Variants in PTK2B observed in about 807,000 individuals in gnomAD.
The protein encoded by PTK2B is protein-tyrosine kinase 2-beta.
Under a neutral mutation model 142.9 loss-of-function variants are expected in PTK2B, and 71 were observed. That is an observed-to-expected ratio of 0.50 (90% CI 0.41 to 0.61). The LOEUF is 0.61. Among genes scored for constraint, PTK2B ranks in the 20% least tolerant of loss-of-function variants. The pLI is 0.00. For missense variants in PTK2B, 1,105 were observed against 1,320.4 expected (o/e 0.84, Z 2.53); for synonymous variants, 519 against 503.4 (o/e 1.03, Z -0.42).
rs113405663 is a variant in PTK2B at position 27,354,548 on chromosome 8, G to A, written c.-38+28867G>A. The stretch of plus-strand genomic sequence containing the variant: ...TGCAAGCAGTTTTTGATTTGCGGCC[G>A]GCAGGTATGTTGACTGTTGGGAGGA... On this transcript the variant is annotated intron_variant, in intron 1 of 30. Transcript: ENST00000346049. 7.2e-3 allele frequency among the ~76,000 whole-genome samples: 1,094 copies of A among 152,282 alleles called. 12 individuals carry two copies. The highest frequency in any genetic ancestry group is 0.024 in the African/African-American group (984 of 41,544).
intron 27 of PTK2B, 121 bp from the exon 28 acceptor site, chr8:27,452,993 G>A: frequency 8.1e-7 from 1 of 1,227,280 alleles, no homozygotes; most frequent in African/African-American, 1.5e-5. Context: ...TGGATTCAGA[G>A]TTAATTTCCC....
At chr8:27,454,132 G>T in intron 28 of PTK2B, 22 bp from the exon 29 acceptor site, 1 of 1,613,742 alleles carries the variant, frequency 6.2e-7, no homozygotes. Flanking sequence ...CAACTCACTG[G>T]CCACCTGCGT....
intron 1 of PTK2B, among the ~76,000 whole-genome samples, chr8:27,387,550 A>G (rs914496578): frequency 6.6e-6 from 1 of 152,192 alleles, no homozygotes; most frequent in Non-Finnish European, 1.5e-5. Flanking sequence ...ACCATGTGAT[A>G]GGGCCTTGTT....
At position 27,398,887 on chromosome 8, in the gene PTK2B, T is replaced by C. The variant is rs1586236932; in HGVS notation, c.204+1099T>C. 3.3e-5 allele frequency among the ~76,000 whole-genome samples: 5 copies of C among 152,388 alleles called. No individual in the cohort carries two copies. In the South Asian group the frequency reaches 1.0e-3, roughly 32 times the overall value. ...TGCTTCCACACACCAGAGCAGAGTGTAATTGATTATGTCACTGTCATGGCC... is the reference window on the plus strand; with the variant it reads ...TGCTTCCACACACCAGAGCAGAGTGCAATTGATTATGTCACTGTCATGGCC... On this transcript the variant is annotated intron_variant, in intron 2 of 30. Coordinates refer to ENST00000346049, the MANE Select transcript of PTK2B (RefSeq NM_173176.3).
chr8:27,420,593 T>A (rs1040713694), intron 3 of PTK2B, 64 bp from the exon 4 acceptor site: 22 of 1,490,446 alleles, frequency 1.5e-5, no homozygotes, highest in Non-Finnish European at 1.9e-5. Context: ...GCCCTTGGGG[T>A]CCTACTCCTT....
rs182459165 is a variant in PTK2B at position 27,313,893 on chromosome 8, A to C, written c.-414+606A>C. On this transcript the variant is annotated intron_variant, in intron 3 of 35. Coordinates refer to the PTK2B transcript ENST00000397501. ...AACACTTTAGTGACAGCTGTGGACC[A>C]TCAGGGAATTGTCTCTCTCCCTCTC... Among the ~76,000 whole-genome samples the C allele has an allele frequency of 3.5e-3, 529 of 152,336 alleles. 8 individuals are homozygous for C. The highest frequency in any genetic ancestry group is 4.5e-3 in the Non-Finnish European group (306 of 68,036).
intron 20 of PTK2B, among the ~76,000 whole-genome samples, chr8:27,439,689 A>G (rs1801790591): frequency 6.6e-6 from 1 of 152,122 alleles, no homozygotes; most frequent in East Asian, 1.9e-4. Context: ...AAACTCTGTG[A>G]CTTATTCTGA....
chr8:27,311,351 G>T (rs1180347541), upstream of PTK2B: 1 of 1,294,134 alleles, frequency 7.7e-7, no homozygotes, highest in Non-Finnish European at 1.0e-6. Context: ...CCCCTGGAAC[G>T]CTGAGAGACA....
chr8:27,451,707 C>T, intron 27 of PTK2B, 198 bp downstream of exon 27: 1 of 1,427,898 alleles, frequency 7.0e-7, no homozygotes, highest in South Asian at 1.5e-5. Context: ...CCCTGCCTAG[C>T]ACCCTGCCCT....
chr8:27,428,451 T>C (rs1407619524), intron 5 of PTK2B, among the ~76,000 whole-genome samples: 3 of 152,232 alleles, frequency 2.0e-5, no homozygotes, highest in Non-Finnish European at 4.4e-5. Flanking sequence ...GCACCATTGC[T>C]TACCTCCCTC....
At chr8:27,311,323 G>A (rs1445099590), upstream of PTK2B, 11 of 1,404,036 alleles carry the variant, frequency 7.8e-6, no homozygotes, top group Non-Finnish European at 8.5e-6. Context: ...CCGAGTGCTG[G>A]GAATCGCCCA....
intron 1 of PTK2B, among the ~76,000 whole-genome samples, chr8:27,390,703 T>C (rs1315844997): frequency 1.3e-5 from 2 of 152,210 alleles, no homozygotes; most frequent in Admixed American, 6.5e-5. Flanking sequence ...GTATTATGTT[T>C]CTAATTCTCT....
chr8:27,434,809 G>A (rs1284180640), intron 13 of PTK2B, among the ~76,000 whole-genome samples: 1 of 152,128 alleles, frequency 6.6e-6, no homozygotes, highest in African/African-American at 2.4e-5. Context: ...AGACCATCCT[G>A]ACCAACATGG....
chr8:27,386,213 G>A (rs1294245533), intron 1 of PTK2B, among the ~76,000 whole-genome samples: 1 of 152,084 alleles, frequency 6.6e-6, no homozygotes, highest in South Asian at 2.1e-4. Context: ...TTCCCCCTGA[G>A]CATTTTGTTT....
At chr8:27,431,190 C>A in intron 8 of PTK2B, 174 bp downstream of exon 8, 7 of 1,464,104 alleles carry the variant, frequency 4.8e-6, no homozygotes, top group Non-Finnish European at 6.4e-6. Context: ...CTGAAGCAGG[C>A]ACTGAAATGT....
chr8:27,400,810 C>T (rs112586842), intron 2 of PTK2B, among the ~76,000 whole-genome samples: 26 of 152,190 alleles, frequency 1.7e-4, no homozygotes, highest in African/African-American at 6.0e-4. Flanking sequence ...GGGTCTGGAG[C>T]TCAGGAGGGA....
chr8:27,389,492 G>T (rs545264680), intron 1 of PTK2B, among the ~76,000 whole-genome samples: 38 of 152,260 alleles, frequency 2.5e-4, no homozygotes, highest in Admixed American at 7.8e-4. Flanking sequence ...GGGAGGAGAG[G>T]TTCCTTTAGC....
At chr8:27,445,237 A>C (rs139283676) in intron 23 of PTK2B, among the ~76,000 whole-genome samples, 1 of 152,222 alleles carries the variant, frequency 6.6e-6, no homozygotes, top group East Asian at 1.9e-4. Flanking sequence ...AAATTGTGAT[A>C]TACTTATTTT....
chr8:27,433,416 G>T lies in PTK2B; in HGVS notation c.988-19G>T. 1 of 1,603,448 alleles carries T rather than the reference G, an allele frequency of 6.2e-7. No homozygotes were observed. The highest frequency in any genetic ancestry group is 8.5e-7 in the Non-Finnish European group (1 of 1,170,622). On this transcript the variant is annotated intron_variant, in intron 10 of 30. Transcript: ENST00000346049. ...CCAAGGCTCTGGGGTCTCACCCTTG[G>T]CTGGTCTCTGCTCCGCAGGCCTTGT...
Sources: allele counts gnomAD v4.1 joint callset (sites outside exome capture counted in the v4.1 genomes callset), GRCh38; gene constraint gnomAD v4.1.1; transcripts MANE v1.5; gene names NCBI Gene and HGNC (gene_info 2026-07-23, HGNC 2026-07-21).